Variants in CERT1 observed in about 807,000 individuals in gnomAD.
CERT1 encodes the protein ceramide transfer protein.
A neutral mutation model predicts 87.9 loss-of-function variants in CERT1; 31 were observed. That is an observed-to-expected ratio of 0.35 (90% CI 0.27 to 0.48). CERT1 has a LOEUF of 0.48. CERT1 is among the 20% of genes least tolerant of loss of function. The pLI is 0.99. For synonymous variants in CERT1, 289 were observed against 250.9 expected (o/e 1.15, Z -1.44); for missense variants, 487 against 758.0 (o/e 0.64, Z 4.20).
At chr5:75,383,400 T>C (rs1388769841) in intron 14 of CERT1, among the ~76,000 whole-genome samples, 4 of 152,142 alleles carry the variant, frequency 2.6e-5, no homozygotes, top group African/African-American at 9.6e-5. Flanking sequence ...TTCAGCAGAT[T>C]GTTTTCCATG....
At chr5:75,426,790 G>A (rs1763636609) in intron 3 of CERT1, among the ~76,000 whole-genome samples, 1 of 152,168 alleles carries the variant, frequency 6.6e-6, no homozygotes, top group Non-Finnish European at 1.5e-5. Context: ...AAAGAAGAAT[G>A]GGTAGTTATT....
rs1762905459 is a variant in CERT1, at chr5:75,410,808, C to CTAAACT, written c.930+197_930+202dup. The CTAAACT allele has an allele frequency of 2.0e-5, 7 of 344,616 alleles. No individual in the cohort carries two copies. In the Admixed American group the frequency reaches 2.8e-4, roughly 14 times the overall value. The allele number at this position is 344,616 out of a possible 1,614,324, so 21.3% of individuals were successfully genotyped here. A position where few individuals can be genotyped will look rare whatever the true frequency, so the allele number is the denominator to read the frequency against. ...GGCCTAATACTAAGCCTTTTGAAGC[C>CTAAACT]TAAACTTTGTAGGCAATAAGAAATA... On this transcript the variant is annotated intron_variant, in intron 8 of 16. Coordinates refer to ENST00000643780, the MANE Select transcript of CERT1 (RefSeq NM_001379029.1).
At chr5:75,436,904 C>T (rs966613477) in intron 3 of CERT1, among the ~76,000 whole-genome samples, 8 of 152,140 alleles carry the variant, frequency 5.3e-5, no homozygotes, top group African/African-American at 1.7e-4. Flanking sequence ...AAGTATGCTG[C>T]ATGCTGGGAC....
chr5:75,447,681 C>A (rs923125892), intron 3 of CERT1, among the ~76,000 whole-genome samples: 3 of 151,450 alleles, frequency 2.0e-5, no homozygotes, highest in Admixed American at 6.6e-5. Flanking sequence ...TCACCATGTT[C>A]GCCAGGATGG....
At chr5:75,473,547 A>T (rs2112361806) in intron 2 of CERT1, among the ~76,000 whole-genome samples, 1 of 152,352 alleles carries the variant, frequency 6.6e-6, no homozygotes, top group South Asian at 2.1e-4. Context: ...TAGAGAGTAG[A>T]ATGGTAGTTA....
At chr5:75,375,600 A>C, downstream of CERT1, 2 of 140,568 alleles carry the variant, frequency 1.4e-5, no homozygotes, top group South Asian at 4.3e-4. Context: ...TAAATAAATA[A>C]ATAAATAAAT....
intron 3 of CERT1, among the ~76,000 whole-genome samples, chr5:75,457,115 C>A (rs1478861202): frequency 1.3e-5 from 2 of 152,192 alleles, no homozygotes; most frequent in Non-Finnish European, 2.9e-5. Context: ...GATTAAATAA[C>A]ATGAAACAGG....
intron 3 of CERT1, among the ~76,000 whole-genome samples, chr5:75,449,253 T>A (rs1255551995): frequency 6.6e-6 from 1 of 151,846 alleles, no homozygotes; most frequent in East Asian, 1.9e-4. Flanking sequence ...AAGAATAGGA[T>A]AGGAGAGCAA....
At chr5:75,475,123 G>C (rs950589586) in intron 2 of CERT1, among the ~76,000 whole-genome samples, 1 of 152,136 alleles carries the variant, frequency 6.6e-6, no homozygotes, top group Non-Finnish European at 1.5e-5. Flanking sequence ...CCCAGACATA[G>C]AGAGACTCTC....
chr5:75,441,224 C>G (rs1764307816), intron 3 of CERT1, among the ~76,000 whole-genome samples: 1 of 152,040 alleles, frequency 6.6e-6, no homozygotes, highest in South Asian at 2.1e-4. Flanking sequence ...TCACAACTGC[C>G]TACAATATTC....
At chr5:75,476,715 C>G (rs1403334846) in intron 2 of CERT1, among the ~76,000 whole-genome samples, 1 of 152,174 alleles carries the variant, frequency 6.6e-6, no homozygotes, top group Non-Finnish European at 1.5e-5. Flanking sequence ...TCAAAACCAT[C>G]AGAACTGGAT....
rs375263677 is a variant in CERT1, at chr5:75,434,363, G to A, written c.349-7885C>T. 7.2e-4 allele frequency among the ~76,000 whole-genome samples: 110 copies of A among 152,084 alleles called. 1 individual carries two copies. Among genetic ancestry groups the A allele is most frequent in the African/African-American group, 2.6e-3 (107 of 41,484 alleles). On this transcript the variant is annotated intron_variant, in intron 3 of 16. Transcript: ENST00000643780. ...CAGGAATAAAGCCTACTTGATTGTG[G>A]TGGTGTTTTGACGTGCTGCTGTATT... is the stretch of plus-strand genomic sequence containing the variant.
At position 75,511,354 on chromosome 5, in the gene CERT1, TCCGCCCGCCGCG is replaced by T. The variant is rs1322016049; in HGVS notation, c.-159_-148del. On this transcript the variant is annotated 5_prime_UTR_variant, in exon 1 of 17. Transcript: ENST00000643780. Reference sequence around the variant, plus strand: ...GGGGGGAGCAGGAGGAGGGACGAAGTCCGCCCGCCGCGCCGCCGCCGCGCCTGACACCGAGCG... The same window carrying T: ...GGGGGGAGCAGGAGGAGGGACGAAGTCCGCCGCCGCGCCTGACACCGAGCG... 6.5e-7 allele frequency: 1 copy of T among 1,540,438 alleles called. No homozygotes were observed. Among genetic ancestry groups the T allele is most frequent in the South Asian group, 1.2e-5 (1 of 83,578 alleles).
intron 11 of CERT1, among the ~76,000 whole-genome samples, chr5:75,391,353 GC>G (rs1170767655): frequency 1.1e-4 from 16 of 152,124 alleles, no homozygotes; most frequent in African/African-American, 3.9e-4. Flanking sequence ...AGCAGGTATG[GC>G]CTTAAGTGTC....
chr5:75,431,171 C>CTTAG (rs1462120398), intron 3 of CERT1, among the ~76,000 whole-genome samples: 1 of 152,172 alleles, frequency 6.6e-6, no homozygotes, highest in African/African-American at 2.4e-5. Context: ...AGGACGTGAG[C>CTTAG]TTAGTGCCTG....
chr5:75,450,779 G>T (rs936673463), intron 3 of CERT1, among the ~76,000 whole-genome samples: 1 of 152,114 alleles, frequency 6.6e-6, no homozygotes, highest in Non-Finnish European at 1.5e-5. Flanking sequence ...ATCCACCAAT[G>T]ACCTTGTAAG....
chr5:75,394,838 T>C (rs1762181695), intron 11 of CERT1, among the ~76,000 whole-genome samples: 1 of 152,168 alleles, frequency 6.6e-6, no homozygotes, highest in African/African-American at 2.4e-5. Flanking sequence ...TAGATAAGGG[T>C]GCAAAGATGC....
chr5:75,417,702 G>C (rs1406734902), intron 6 of CERT1, among the ~76,000 whole-genome samples: 2 of 152,092 alleles, frequency 1.3e-5, no homozygotes, highest in Non-Finnish European at 2.9e-5. Context: ...ATCCATCAAA[G>C]AACAAATTGT....
At chr5:75,466,255 T>C (rs763825261) in intron 2 of CERT1, among the ~76,000 whole-genome samples, 6 of 152,180 alleles carry the variant, frequency 3.9e-5, no homozygotes, top group Non-Finnish European at 7.4e-5. Context: ...GTCTGCACAC[T>C]GTTTCCATCA....
Sources: gnomAD v4.1 joint callset for allele counts (sites outside exome capture counted in the v4.1 genomes callset) on GRCh38, gnomAD v4.1.1 for gene constraint, MANE v1.5 for transcripts, NCBI Gene and HGNC (gene_info 2026-07-23, HGNC 2026-07-21) for gene names.